The following STARD13 variants were observed in gnomAD, a reference collection of about 807,000 sequenced individuals.
STARD13 encodes the protein stAR-related lipid transfer protein 13.
Under a neutral mutation model 106.4 loss-of-function variants are expected in STARD13, and 62 were observed. The observed-to-expected ratio is 0.58, with a 90% CI of 0.48 to 0.72. The LOEUF is 0.72. Ranked by LOEUF, STARD13 falls within the 30% of genes least tolerant of loss-of-function variation. The probability of loss-of-function intolerance (pLI) is 0.00; values close to 1 mark genes in which losing one functional copy is unlikely to be tolerated. For synonymous variants in STARD13, 565 were observed against 553.0 expected, an observed-to-expected ratio of 1.02 and a Z score of -0.31; for missense variants, 1,387 against 1,424.0, an observed-to-expected ratio of 0.97 and a Z score of 0.42.
chr13:33,112,683 C>T, intron 9 of STARD13, 38 bp downstream of exon 9: 5 of 1,506,892 alleles, frequency 3.3e-6, no homozygotes, highest in African/African-American at 1.4e-5. Context: ...GGAATGCCTG[C>T]TTTGGGATTA....
chr13:33,249,471 T>G (rs1470172677), intron 1 of STARD13, among the ~76,000 whole-genome samples: 2 of 152,246 alleles, frequency 1.3e-5, no homozygotes, highest in African/African-American at 4.8e-5. Flanking sequence ...CTCCACCTCC[T>G]TTCTTTGAAT....
intron 1 of STARD13, among the ~76,000 whole-genome samples, chr13:33,306,790 A>G (rs1042370831): frequency 1.3e-5 from 2 of 152,156 alleles, no homozygotes; most frequent in African/African-American, 4.8e-5. Context: ...TCTCTACTAA[A>G]AATACAAAAA....
rs1873451536 is a variant in STARD13, at chr13:33,104,473, G to A, written c.*1120C>T. ...AAGTTTAATGAATTACATTTTAAGA[G>A]TATCCTACACATAACAAAATATGAA... On this transcript the variant is annotated 3_prime_UTR_variant, in exon 14 of 14. Transcript: ENST00000336934. The A allele has an allele frequency of 6.6e-6, 1 of 152,670 alleles. No homozygotes were observed. The highest frequency in any genetic ancestry group is 6.5e-5 in the Admixed American group (1 of 15,290). 9.5% of individuals were successfully genotyped at this position (152,670 alleles called of 1,614,324 possible).
intron 1 of STARD13, among the ~76,000 whole-genome samples, chr13:33,274,279 C>T (rs922291600): frequency 1.3e-5 from 2 of 151,960 alleles, no homozygotes; most frequent in African/African-American, 4.8e-5. Context: ...TATGGATGGG[C>T]CCCAATCCAA....
chr13:33,365,107 A>C, the STARD13 span, among the ~76,000 whole-genome samples: 1 of 151,968 alleles, frequency 6.6e-6, no homozygotes, highest in Non-Finnish European at 1.5e-5. Context: ...ATGTGAGATG[A>C]CCACAAAATG....
At chr13:33,156,608 C>T (rs919478541) in intron 3 of STARD13, among the ~76,000 whole-genome samples, 1 of 152,154 alleles carries the variant, frequency 6.6e-6, no homozygotes, top group African/African-American at 2.4e-5. Flanking sequence ...TGTTAGTGGG[C>T]ACATTCTTTT....
At chr13:33,360,789 TTTTTC>T in the STARD13 span, among the ~76,000 whole-genome samples, 1 of 130,116 alleles carries the variant, frequency 7.7e-6, no homozygotes, top group Non-Finnish European at 1.7e-5. Context: ...ATGTGGATTT[TTTTTC>T]TTTTCTTTTT....
chr13:33,642,992 G>A, the STARD13 span, among the ~76,000 whole-genome samples: 1 of 152,108 alleles, frequency 6.6e-6, no homozygotes, highest in Non-Finnish European at 1.5e-5. Context: ...CAATCGCCCT[G>A]CAATGAAGGC....
chr13:33,440,773 T>A, the STARD13 span, among the ~76,000 whole-genome samples: 1 of 143,308 alleles, frequency 7.0e-6, no homozygotes, highest in Non-Finnish European at 1.5e-5. Context: ...AGCGATTTTT[T>A]TTTTTTTTTT....
chr13:33,399,567 G>C, the STARD13 span, among the ~76,000 whole-genome samples: 1 of 151,724 alleles, frequency 6.6e-6, no homozygotes, highest in Non-Finnish European at 1.5e-5. Context: ...TGGGCGTGGT[G>C]GCTGGTGCCT....
chr13:33,590,458 A>G, the STARD13 span, among the ~76,000 whole-genome samples: 4 of 152,044 alleles, frequency 2.6e-5, no homozygotes, highest in African/African-American at 9.7e-5. Context: ...CCAAATGTCC[A>G]TCAATGATAG....
intron 1 of STARD13, among the ~76,000 whole-genome samples, chr13:33,212,495 G>A (rs866176616): frequency 6.6e-6 from 1 of 152,194 alleles, no homozygotes; most frequent in African/African-American, 2.4e-5. Context: ...CTGGCACCCA[G>A]AGCCTACATG....
chr13:33,292,732 A>T (rs1331831535), intron 1 of STARD13, among the ~76,000 whole-genome samples: 1 of 152,062 alleles, frequency 6.6e-6, no homozygotes, highest in South Asian at 2.1e-4. Context: ...TCTTAACTGT[A>T]TCCTTCACAA....
chr13:33,205,767 CTG>C, intron 1 of STARD13: 1 of 774,494 alleles, frequency 1.3e-6, no homozygotes, highest in Non-Finnish European at 1.6e-6. Context: ...TAGGAAGTAA[CTG>C]TTGTCTTTCC....
chr13:33,637,410 A>G, the STARD13 span, among the ~76,000 whole-genome samples: 1 of 152,202 alleles, frequency 6.6e-6, no homozygotes, highest in Non-Finnish European at 1.5e-5. Context: ...TCAAAGTGCT[A>G]CCTTCTGGCC....
At chr13:33,260,187 C>T (rs899780031) in intron 1 of STARD13, among the ~76,000 whole-genome samples, 3 of 152,180 alleles carry the variant, frequency 2.0e-5, no homozygotes, top group Non-Finnish European at 1.5e-5. Context: ...GTCTTTCTAA[C>T]TTTCCAGCTA....
chr13:33,344,701 G>T (rs973168210), downstream of STARD13, among the ~76,000 whole-genome samples: 1 of 152,152 alleles, frequency 6.6e-6, no homozygotes, highest in Admixed American at 6.5e-5. Flanking sequence ...TTTTAAGTCA[G>T]AATATTTTTG....
chr13:33,377,240 G>A, the STARD13 span, among the ~76,000 whole-genome samples: 7 of 152,208 alleles, frequency 4.6e-5, no homozygotes, highest in East Asian at 1.4e-3. Context: ...CTGAGGATGG[G>A]TTATAGATAA....
At chr13:33,509,001 CAT>C in the STARD13 span, among the ~76,000 whole-genome samples, 2 of 152,090 alleles carry the variant, frequency 1.3e-5, no homozygotes, top group Non-Finnish European at 2.9e-5. Flanking sequence ...ACATAGAAAA[CAT>C]AGAAAACATA....
Sources: allele counts gnomAD v4.1 joint callset (sites outside exome capture counted in the v4.1 genomes callset), GRCh38; gene constraint gnomAD v4.1.1; transcripts MANE v1.5; gene names NCBI Gene and HGNC (gene_info 2026-07-23, HGNC 2026-07-21).